Variants in BAIAP2 observed in about 807,000 individuals in gnomAD.
BAIAP2 encodes BAR/IMD domain containing adaptor protein 2.
Under a neutral mutation model 63.0 loss-of-function variants are expected in BAIAP2, and 18 were observed. The observed-to-expected ratio is 0.29, with a 90% CI of 0.20 to 0.42. The LOEUF is 0.42. Ranked by LOEUF, BAIAP2 falls within the 10% of genes least tolerant of loss-of-function variation. The probability of loss-of-function intolerance (pLI) is 1.00; values close to 1 mark genes in which losing one functional copy is unlikely to be tolerated. For missense variants in BAIAP2, 610 were observed against 734.3 expected (o/e 0.83, Z 1.96); for synonymous variants, 386 against 307.6 (o/e 1.25, Z -2.67).
intron 7 of BAIAP2, among the ~76,000 whole-genome samples, chr17:81,100,332 C>T (rs749374075): frequency 2.9e-4 from 44 of 152,060 alleles, no homozygotes; most frequent in Non-Finnish European, 5.4e-4. Context: ...TCAAGGCCTT[C>T]TAGAACATTC....
At chr17:81,071,299 G>A (rs1266054799) in intron 3 of BAIAP2, among the ~76,000 whole-genome samples, 1 of 152,156 alleles carries the variant, frequency 6.6e-6, no homozygotes, top group Non-Finnish European at 1.5e-5. Flanking sequence ...CCTGGCCCCT[G>A]TGGGGGCTCT....
intron 1 of BAIAP2, among the ~76,000 whole-genome samples, chr17:81,044,805 C>T (rs910561559): frequency 6.6e-5 from 10 of 152,262 alleles, no homozygotes; most frequent in Non-Finnish European, 1.3e-4. Context: ...ACGGGGACAG[C>T]TGATTCTATT....
In BAIAP2 at chr17:81,113,876, C is replaced by T. The variant is rs182733083; in HGVS notation, c.1536-1894C>T. On this transcript the variant is annotated intron_variant, in intron 13 of 13. Coordinates refer to ENST00000428708, the MANE Select transcript of BAIAP2 (RefSeq NM_001144888.2). ...TTTCTGATGAGAATCGGCTGTGATT[C>T]GGGGCAGGAGTGAGAACCACGCGGC... is the stretch of plus-strand genomic sequence containing the variant. Among the ~76,000 whole-genome samples, 629 of 151,514 alleles carry T rather than the reference C, an allele frequency of 4.2e-3. 5 individuals carry two copies. The highest frequency in any genetic ancestry group is 0.015 in the African/African-American group (606 of 41,274).
At chr17:81,058,095 T>A in intron 3 of BAIAP2, 128 bp downstream of exon 3, 2 of 754,562 alleles carry the variant, frequency 2.7e-6, no homozygotes, top group Non-Finnish European at 4.1e-6. Flanking sequence ...GAAAATATTT[T>A]AATGACAGTC....
intron 3 of BAIAP2, among the ~76,000 whole-genome samples, chr17:81,069,229 C>T (rs1048075246): frequency 2.6e-5 from 4 of 152,184 alleles, no homozygotes; most frequent in Admixed American, 2.6e-4. Context: ...GTAATTGTTA[C>T]CAGCAGTCAC....
intron 1 of BAIAP2, among the ~76,000 whole-genome samples, chr17:81,052,373 C>T (rs369255472): frequency 2.0e-5 from 3 of 152,376 alleles, no homozygotes; most frequent in South Asian, 2.1e-4. Flanking sequence ...CCCCCACCCC[C>T]GTGCACGTGG....
At chr17:81,037,071 T>C in intron 1 of BAIAP2, 1 of 918,214 alleles carries the variant, frequency 1.1e-6, no homozygotes, top group Non-Finnish European at 1.7e-6. Flanking sequence ...GTAATTTATC[T>C]GCAGGTCTAA....
rs907232036 is a variant in BAIAP2, at chr17:81,106,154, C to T, written c.1337+8C>T. ...TGACAGGCTGCACATGAGGTGAGCT[C>T]TGGGCCCAACGGGAGTGTAAGATCC... On this transcript the variant is annotated splice_region_variant and intron_variant, in intron 11 of 13. Coordinates refer to ENST00000428708, the MANE Select transcript of BAIAP2 (RefSeq NM_001144888.2). The T allele has an allele frequency of 6.4e-7, 1 of 1,573,022 alleles. No homozygotes were observed. Among genetic ancestry groups the T allele is most frequent in the East Asian group, 2.3e-5 (1 of 43,148 alleles).
rs146668397 is a variant in BAIAP2 at position 81,086,447 on chromosome 17, C to T, written c.356C>T (p.Ala119Val). Residue 119 changes from alanine (A) to valine (V), a missense_variant, in exon 6 of 14, where the codon GCG becomes GTG. Physicochemically the swap from Ala to Val is moderately conservative, Grantham distance 64 (BLOSUM62 0). Coordinates refer to ENST00000428708, the MANE Select transcript of BAIAP2 (RefSeq NM_001144888.2). The part of the protein sequence containing the change: ...VELDSRYLSA[A>V]LKKYQTEQRS... ...GTTTTATTGTTTGAATCTCAGGCTG[C>T]GCTGAAGAAATACCAGACTGAGCAA... 4.6e-5 allele frequency: 74 copies of T among 1,613,816 alleles called. No individual in the cohort carries two copies. In the Admixed American group the frequency reaches 1.0e-3, roughly 23 times the overall value.
Position 81,053,151 on chromosome 17 carries a change from G to A in BAIAP2, c.55-517G>A, listed in dbSNP as rs555517934. Among the ~76,000 whole-genome samples the A allele has an allele frequency of 1.4e-4, 21 of 152,338 alleles. 1 individual carries two copies. In the South Asian group the frequency reaches 3.7e-3, roughly 27 times the overall value. ...CCGTCGGGCAAACAGACCCAGAGCC[G>A]TTGGATTATTCATAGCACGGCATCT... On this transcript the variant is annotated intron_variant, in intron 1 of 13. Transcript: ENST00000428708.
At chr17:81,039,683 G>A (rs1447248587) in intron 1 of BAIAP2, among the ~76,000 whole-genome samples, 1 of 151,958 alleles carries the variant, frequency 6.6e-6, no homozygotes, top group African/African-American at 2.4e-5. Flanking sequence ...GCAGTGGGTG[G>A]GGGCTGCTGG....
intron 2 of BAIAP2, among the ~76,000 whole-genome samples, chr17:81,054,235 C>T (rs1470660598): frequency 6.4e-5 from 3 of 47,224 alleles, no homozygotes; most frequent in Non-Finnish European, 1.4e-4. Context: ...GAACTGTGCC[C>T]GGGCCCCTTG....
chr17:81,069,014 T>A (rs772036854), intron 3 of BAIAP2, among the ~76,000 whole-genome samples: 6 of 152,014 alleles, frequency 3.9e-5, no homozygotes, highest in Non-Finnish European at 8.8e-5. Context: ...CAGGACAGGG[T>A]CTCAGCAGCC....
At chr17:81,113,355 C>T (rs1002911023) in intron 13 of BAIAP2, among the ~76,000 whole-genome samples, 2 of 152,232 alleles carry the variant, frequency 1.3e-5, no homozygotes, top group African/African-American at 4.8e-5. Context: ...GGGCCTGGCA[C>T]GTGTCCTCCG....
chr17:81,097,271 G>A (rs887342005), intron 6 of BAIAP2, among the ~76,000 whole-genome samples: 7 of 152,168 alleles, frequency 4.6e-5, no homozygotes, highest in East Asian at 1.9e-4. Context: ...GCAGGGGAGC[G>A]CCGGGCTCCG....
At chr17:81,036,836 T>C in intron 1 of BAIAP2, 7 of 1,510,650 alleles carry the variant, frequency 4.6e-6, no homozygotes, top group Non-Finnish European at 6.2e-6. Flanking sequence ...AGTCATTAGC[T>C]CCATTACGAC....
intron 13 of BAIAP2, chr17:81,110,145 C>T (rs1418107542): frequency 5.0e-5 from 49 of 985,514 alleles, no homozygotes; most frequent in Admixed American, 3.7e-4. Flanking sequence ...TGGGAAGCTG[C>T]GGCGCTCCTT....
chr17:81,081,970 T>C (rs1304706673), intron 3 of BAIAP2, among the ~76,000 whole-genome samples: 1 of 152,052 alleles, frequency 6.6e-6, no homozygotes, highest in Non-Finnish European at 1.5e-5. Flanking sequence ...CTGGCATCCG[T>C]GGAGGTACTG....
At chr17:81,044,369 G>A (rs1445014311) in intron 1 of BAIAP2, among the ~76,000 whole-genome samples, 2 of 152,238 alleles carry the variant, frequency 1.3e-5, no homozygotes, top group Non-Finnish European at 2.9e-5. Flanking sequence ...GTTGGAGGGG[G>A]ACCAACACGG....
Sources: allele counts gnomAD v4.1 joint callset (sites outside exome capture counted in the v4.1 genomes callset), GRCh38; gene constraint gnomAD v4.1.1; transcripts MANE v1.5; gene names NCBI Gene and HGNC (gene_info 2026-07-23, HGNC 2026-07-21).